Variants in SYT9 observed in about 807,000 individuals in gnomAD.
SYT9 encodes synaptotagmin-9.
Under a neutral mutation model 48.4 loss-of-function variants are expected in SYT9, and 22 were observed. The observed-to-expected ratio is 0.45, with a 90% confidence interval of 0.32 to 0.65. The LOEUF is 0.65. SYT9 is among the 30% of genes least tolerant of loss of function. The pLI, the probability that SYT9 is intolerant of heterozygous loss-of-function variation, is 0.03. For missense variants in SYT9, 577 were observed against 622.0 expected, an observed-to-expected ratio of 0.93 and a Z score of 0.77; for synonymous variants, 265 against 245.0, an observed-to-expected ratio of 1.08 and a Z score of -0.76.
intron 3 of SYT9, among the ~76,000 whole-genome samples, chr11:7,342,156 T>C (rs1468854966): frequency 6.6e-6 from 1 of 152,106 alleles, no homozygotes; most frequent in Non-Finnish European, 1.5e-5. Context: ...CCAAATCATA[T>C]CATTCCACCC....
rs1849192080 is a variant in SYT9, at chr11:7,313,855, G to A, written c.958G>A (p.Gly320Ser). ...FDRFSRHDLI[G>S]QVVVDHFLDL... is the part of the protein sequence containing the mutation. The stretch of plus-strand genomic sequence containing the variant: ...CAGGTTCTCTCGTCATGACTTAATC[G>A]GCCAAGTGGTGGTGGATCACTTCCT... Residue 320 changes from glycine to serine, a missense_variant, in exon 3 of 7, where the codon GGC becomes AGC. Coordinates refer to ENST00000318881, the MANE Select transcript of SYT9 (RefSeq NM_175733.4). 1.2e-6 allele frequency: 2 copies of A among 1,614,066 alleles called. No homozygotes were observed. The highest frequency in any genetic ancestry group is 8.5e-7 in the Non-Finnish European group (1 of 1,180,004).
chr11:7,363,815 T>C (rs957615542), intron 3 of SYT9, among the ~76,000 whole-genome samples: 2 of 152,124 alleles, frequency 1.3e-5, no homozygotes, highest in African/African-American at 4.8e-5. Context: ...GAGGTGTCTG[T>C]TCAGCAACAT....
At chr11:7,424,924 G>A (rs757556601) in intron 6 of SYT9, among the ~76,000 whole-genome samples, 1 of 152,204 alleles carries the variant, frequency 6.6e-6, no homozygotes, top group Non-Finnish European at 1.5e-5. Context: ...CCAGAAGGCA[G>A]TTATGGTACA....
intron 3 of SYT9, among the ~76,000 whole-genome samples, chr11:7,349,972 T>G (rs1416992725): frequency 2.0e-5 from 3 of 152,200 alleles, no homozygotes; most frequent in Non-Finnish European, 4.4e-5. Flanking sequence ...CCAGTACACT[T>G]CAGAGACACT....
chr11:7,370,859 T>C (rs1850349206), intron 3 of SYT9, among the ~76,000 whole-genome samples: 1 of 152,190 alleles, frequency 6.6e-6, no homozygotes, highest in Admixed American at 6.6e-5. Flanking sequence ...GAATGTATTG[T>C]TAAAAAATAT....
intron 1 of SYT9, among the ~76,000 whole-genome samples, chr11:7,243,568 G>C (rs1490318878): frequency 1.3e-5 from 2 of 152,206 alleles, no homozygotes; most frequent in Admixed American, 6.5e-5. Context: ...GATCAAGAAA[G>C]GGATTACTAA....
At chr11:7,376,206 T>C (rs1482834772) in intron 3 of SYT9, among the ~76,000 whole-genome samples, 3 of 152,192 alleles carry the variant, frequency 2.0e-5, no homozygotes, top group African/African-American at 7.2e-5. Flanking sequence ...TCAACAAATA[T>C]ATTTAATAAA....
intron 1 of SYT9, among the ~76,000 whole-genome samples, chr11:7,290,835 A>G (rs559118643): frequency 6.6e-6 from 1 of 152,314 alleles, no homozygotes; most frequent in East Asian, 1.9e-4. Flanking sequence ...CTCAGTCTAC[A>G]GTGAATCATT....
At chr11:7,288,333 A>C (rs1198293180) in intron 1 of SYT9, among the ~76,000 whole-genome samples, 2 of 149,308 alleles carry the variant, frequency 1.3e-5, no homozygotes, top group Non-Finnish European at 3.0e-5. Context: ...TCCTTAGTTG[A>C]TTTTCTTCTC....
intron 6 of SYT9, among the ~76,000 whole-genome samples, chr11:7,459,938 T>C (rs570627153): frequency 6.6e-6 from 1 of 152,288 alleles, no homozygotes; most frequent in African/African-American, 2.4e-5. Flanking sequence ...ACTTCTAGCC[T>C]CTAGAACTGT....
At chr11:7,430,985 A>G (rs921783145) in intron 6 of SYT9, among the ~76,000 whole-genome samples, 1 of 152,222 alleles carries the variant, frequency 6.6e-6, no homozygotes, top group Non-Finnish European at 1.5e-5. Flanking sequence ...AAGATACTTG[A>G]AAATGTGGGA....
At chr11:7,379,110 G>C (rs996232281) in intron 3 of SYT9, among the ~76,000 whole-genome samples, 5 of 152,092 alleles carry the variant, frequency 3.3e-5, no homozygotes, top group Non-Finnish European at 4.4e-5. Context: ...TTTCAGAATA[G>C]GTTCTTAACA....
intron 3 of SYT9, among the ~76,000 whole-genome samples, chr11:7,368,032 T>G (rs931994283): frequency 1.3e-5 from 2 of 152,202 alleles, no homozygotes; most frequent in African/African-American, 4.8e-5. Context: ...CTTAGTCACA[T>G]AGAGAGTGGC....
At position 7,360,636 on chromosome 11, in the gene SYT9, T is replaced by C. The variant is rs552653527; in HGVS notation, c.1044+46695T>C. Among the ~76,000 whole-genome samples the C allele has an allele frequency of 1.8e-4, 27 of 152,334 alleles. 1 individual carries two copies. In the East Asian group the frequency reaches 4.6e-3, roughly 26 times the overall value. ...GCAATTGTGAATGGGAGTTCACTCATGATTTGGCTCTCATTTCTTCAGATT... is the reference window on the plus strand; with the variant it reads ...GCAATTGTGAATGGGAGTTCACTCACGATTTGGCTCTCATTTCTTCAGATT... On this transcript the variant is annotated intron_variant, in intron 3 of 6. Coordinates refer to ENST00000318881, the MANE Select transcript of SYT9 (RefSeq NM_175733.4).
chr11:7,260,339 A>C (rs1848055562), intron 1 of SYT9, among the ~76,000 whole-genome samples: 1 of 152,174 alleles, frequency 6.6e-6, no homozygotes, highest in African/African-American at 2.4e-5. Flanking sequence ...TGGGCAGAAG[A>C]GTTTGTCTGG....
At chr11:7,296,855 C>T (rs1228893983) in intron 1 of SYT9, among the ~76,000 whole-genome samples, 1 of 152,134 alleles carries the variant, frequency 6.6e-6, no homozygotes, top group African/African-American at 2.4e-5. Context: ...AAATCTGAAA[C>T]ACTTAACATC....
At chr11:7,312,001 A>C (rs1304284160) in intron 2 of SYT9, among the ~76,000 whole-genome samples, 1 of 149,088 alleles carries the variant, frequency 6.7e-6, no homozygotes, top group Non-Finnish European at 1.5e-5. Context: ...AAAAGAGATT[A>C]AAATCTCCCT....
At position 7,313,702 on chromosome 11, in the gene SYT9, A is replaced by G; in HGVS notation, c.805A>G (p.Lys269Glu). 1 of 1,614,208 alleles carries G rather than the reference A, an allele frequency of 6.2e-7. No individual in the cohort carries two copies. Among genetic ancestry groups the G allele is most frequent in the Non-Finnish European group, 8.5e-7 (1 of 1,180,012 alleles). Residue 269 changes from lysine (K) to glutamate (E), a missense_variant, in exon 3 of 7, where the codon AAA (lysine) becomes GAA (glutamate). Lys to Glu is a moderately conservative substitution (Grantham distance 56). Transcript: ENST00000318881. ...YVKIYLLPDR[K>E]TKHQTKVHRK... ...CAAGATCTATTTGCTTCCTGATCGG[A>G]AAACAAAACACCAGACTAAAGTTCA...
At chr11:7,249,872 T>A (rs769170171), upstream of SYT9, among the ~76,000 whole-genome samples, 5 of 152,232 alleles carry the variant, frequency 3.3e-5, no homozygotes, top group African/African-American at 1.2e-4. Flanking sequence ...GGACACTTTT[T>A]AGTTTTTTCT....
Sources: allele counts gnomAD v4.1 joint callset (sites outside exome capture counted in the v4.1 genomes callset), GRCh38; gene constraint gnomAD v4.1.1; transcripts MANE v1.5; gene names NCBI Gene and HGNC (gene_info 2026-07-23, HGNC 2026-07-21).